Variants in NUMA1 observed in about 807,000 individuals in gnomAD.
NUMA1 encodes the protein SP-H antigen.
A neutral mutation model predicts 237.1 loss-of-function variants in NUMA1; 62 were observed. The ratio of observed to expected loss-of-function variants is 0.26; its 90% CI spans 0.21 to 0.32. The LOEUF is 0.32. Among genes scored for constraint, NUMA1 ranks in the 10% least tolerant of loss-of-function variants. The pLI, the probability that NUMA1 is intolerant of heterozygous loss-of-function variation, is 1.00. For synonymous variants in NUMA1, 1,028 were observed against 1,066.1 expected (o/e 0.96, Z 0.70); for missense variants, 2,533 against 2,666.5 (o/e 0.95, Z 1.10).
At chr11:72,058,261 G>T (rs1401429687) in intron 2 of NUMA1, among the ~76,000 whole-genome samples, 1 of 152,060 alleles carries the variant, frequency 6.6e-6, no homozygotes, top group Non-Finnish European at 1.5e-5. Flanking sequence ...ATGAGAAATG[G>T]TAACATATTT....
intron 1 of NUMA1, among the ~76,000 whole-genome samples, chr11:72,071,209 C>A (rs1443459708): frequency 6.6e-6 from 1 of 152,210 alleles, no homozygotes; most frequent in Non-Finnish European, 1.5e-5. Context: ...CCTAGTTATC[C>A]AAGTCCTACT....
chr11:72,024,664 A>C, intron 4 of NUMA1: 1 of 372,228 alleles, frequency 2.7e-6, no homozygotes, highest in Non-Finnish European at 5.1e-6. Context: ...AGCACAGATG[A>C]ACGGGAAGCT....
At chr11:72,034,806 T>C (rs1236856275) in intron 3 of NUMA1, among the ~76,000 whole-genome samples, 18 of 152,146 alleles carry the variant, frequency 1.2e-4, no homozygotes, top group Admixed American at 1.0e-3. Flanking sequence ...CTGAGACCCA[T>C]ATTTATCACC....
chr11:72,076,564 T>C (rs1309530738), intron 1 of NUMA1: 1 of 152,194 alleles, frequency 6.6e-6, no homozygotes, highest in Non-Finnish European at 1.5e-5. Flanking sequence ...GGAGGGCAGA[T>C]TACCTGAGGT....
intron 21 of NUMA1, 76 bp downstream of exon 21, chr11:72,007,113 T>G: frequency 6.5e-7 from 1 of 1,548,276 alleles, no homozygotes; most frequent in Non-Finnish European, 8.7e-7. Context: ...TGCTCCTGAC[T>G]GAGTGCCCAG....
Position 72,018,503 on chromosome 11 carries a change from T to C in NUMA1, c.753A>G (p.Ile251Met), listed in dbSNP as rs765532214. ...RKLLTEKDAQ[I>M]AMMQQRIDRL... ...GGTCAATGCGCTGCTGCATCATGGC[T>C]ATCTGTGCATCTGCCCAGAGTGGAG... The change falls in exon 11 of 27, where the codon ATA (isoleucine) becomes ATG (methionine). Residue 251 changes from isoleucine to methionine, a missense_variant. Coordinates refer to ENST00000393695, the MANE Select transcript of NUMA1 (RefSeq NM_006185.4). The C allele has an allele frequency of 6.2e-7, 1 of 1,613,980 alleles. No individual in the cohort carries two copies. The highest frequency in any genetic ancestry group is 1.1e-5 in the South Asian group (1 of 91,086).
rs746451876 is a variant in NUMA1, at chr11:72,018,142, G to GC, written c.978+40dup. On this transcript the variant is annotated intron_variant, in intron 12 of 26. Transcript: ENST00000393695. ...TTGGGGAGCCTTCCAGACCACCTCA[G>GC]CCCTGAGGGGCCTCCATGCACACAC... 9.8e-6 allele frequency: 14 copies of GC among 1,423,182 alleles called. No homozygotes were observed. In the South Asian group the frequency reaches 1.6e-4, roughly 16 times the overall value. The allele number at this position is 1,423,182 out of a possible 1,614,324, so 88.2% of individuals were successfully genotyped here. A position where few individuals can be genotyped will look rare whatever the true frequency, so the allele number is the denominator to read the frequency against.
At chr11:72,033,647 C>T (rs1940636015) in intron 3 of NUMA1, among the ~76,000 whole-genome samples, 1 of 152,190 alleles carries the variant, frequency 6.6e-6, no homozygotes, top group Non-Finnish European at 1.5e-5. Flanking sequence ...GCTGGCATTA[C>T]AGGTGTGAGC....
rs117842293 is a variant in NUMA1 at position 72,070,331 on chromosome 11, T to C, written c.-102-420A>G. Among the ~76,000 whole-genome samples the C allele has an allele frequency of 1.0e-2, 1,516 of 152,356 alleles. 12 individuals are homozygous for C. The highest frequency in any genetic ancestry group is 0.016 in the Non-Finnish European group (1,114 of 68,030). ...TTGGCTTAACTTTCCAAATCCTCCA[T>C]TATATGGCCTCAAGTCATTTATTCA... On this transcript the variant is annotated intron_variant, in intron 1 of 26. Coordinates refer to ENST00000393695, the MANE Select transcript of NUMA1 (RefSeq NM_006185.4).
Position 72,016,218 on chromosome 11 carries a change from T to C in NUMA1, c.1285A>G (p.Asn429Asp). 6.2e-7 allele frequency: 1 copy of C among 1,603,866 alleles called. No individual in the cohort carries two copies. The highest frequency in any genetic ancestry group is 1.1e-5 in the South Asian group (1 of 90,924). The change falls in exon 15 of 27, where the codon AAC (asparagine) becomes GAC (aspartate). Residue 429 changes from asparagine to aspartate, a missense_variant. Transcript: ENST00000393695. Reference sequence around the variant, plus strand: ...TCTACCCTGGCTTGGAGCTGTGTGTTGTTTGCAGCAAGAGTGGCTGCCTCT... The same window carrying C: ...TCTACCCTGGCTTGGAGCTGTGTGTCGTTTGCAGCAAGAGTGGCTGCCTCT... ...KQEAATLAAN[N>D]TQLQARVEML... is the part of the protein sequence containing the mutation.
At chr11:72,062,369 GA>G (rs1942988350) in intron 2 of NUMA1, among the ~76,000 whole-genome samples, 1 of 151,824 alleles carries the variant, frequency 6.6e-6, no homozygotes, top group Non-Finnish European at 1.5e-5. Context: ...TACTCTCCAC[GA>G]AATTTAACTT....
At chr11:72,058,483 T>C (rs1396335259) in intron 2 of NUMA1, among the ~76,000 whole-genome samples, 1 of 152,224 alleles carries the variant, frequency 6.6e-6, no homozygotes. Context: ...CCATAACGTG[T>C]TCACATATTT....
In NUMA1 at chr11:72,004,045, C is replaced by T; in HGVS notation, c.6178G>A (p.Gly2060Arg). Reference sequence around the variant, plus strand: ...GCTCCCCGCCGCAGAAGGCTGTTCCCTAGCTTCTTGGGTGTGTTGAGGATG... The same window carrying T: ...GCTCCCCGCCGCAGAAGGCTGTTCCTTAGCTTCTTGGGTGTGTTGAGGATG... Reference protein sequence around the residue: ...FSILNTPKKLGNSLLRRGASK... With the variant: ...FSILNTPKKLRNSLLRRGASK... The change falls in exon 26 of 27, where the codon GGG (glycine) becomes AGG (arginine). Residue 2060 changes from glycine (G) to arginine (R), a missense_variant. By Grantham distance (125) the Gly-to-Arg change is moderately radical. Transcript: ENST00000393695. The T allele has an allele frequency of 6.2e-7, 1 of 1,613,666 alleles. No individual in the cohort carries two copies. Among genetic ancestry groups the T allele is most frequent in the Non-Finnish European group, 8.5e-7 (1 of 1,179,784 alleles).
rs1399976932 is a variant in NUMA1 at position 72,004,035 on chromosome 11, A to G, written c.6188T>C (p.Leu2063Pro). 29 of 1,613,604 alleles carry G rather than the reference A, an allele frequency of 1.8e-5. No homozygotes were observed. The highest frequency in any genetic ancestry group is 2.3e-5 in the Non-Finnish European group (27 of 1,179,800). The change falls in exon 26 of 27, where the codon CTT becomes CCT. Residue 2063 changes from leucine (L) to proline (P), a missense_variant. Leu to Pro is a moderately conservative substitution (Grantham distance 98, BLOSUM62 -3). This residue lies in a region of NUMA1 where 795 missense variants were observed against 750.8 expected (regional missense o/e 1.06). Transcript: ENST00000393695. The stretch of plus-strand genomic sequence containing the variant: ...CTTCTTTGAGGCTCCCCGCCGCAGA[A>G]GGCTGTTCCCTAGCTTCTTGGGTGT... ...LNTPKKLGNSLLRRGASKKAL... is the reference protein window; with the variant it reads ...LNTPKKLGNSPLRRGASKKAL...
rs766740383 is a variant in NUMA1 at position 72,008,816 on chromosome 11, G to C, written c.5088C>G (p.Asp1696Glu). Residue 1696 changes from aspartate (D) to glutamate (E), a missense_variant, in exon 20 of 27, where the codon GAC becomes GAG. Transcript: ENST00000393695. The stretch of plus-strand genomic sequence containing the variant: ...CAGTTGCCACCTGGAATTTGCCCAG[G>C]TCTCGAAGCTGCTGGTCTGCATGGG... ...QVAHADQQLR[D>E]LGKFQVATDA... The C allele has an allele frequency of 1.2e-6, 2 of 1,614,038 alleles. No individual in the cohort carries two copies. The highest frequency in any genetic ancestry group is 3.3e-5 in the Admixed American group (2 of 60,002).
intron 2 of NUMA1, among the ~76,000 whole-genome samples, chr11:72,059,758 C>A (rs1447534918): frequency 6.6e-6 from 1 of 152,064 alleles, no homozygotes; most frequent in Non-Finnish European, 1.5e-5. Context: ...AGGATATATA[C>A]CAATAATTAG....
intron 1 of NUMA1, among the ~76,000 whole-genome samples, chr11:72,079,373 T>A (rs1395696078): frequency 6.6e-6 from 1 of 152,056 alleles, no homozygotes; most frequent in East Asian, 1.9e-4. Flanking sequence ...AAACCCTGTG[T>A]CTACTAAAAA....
intron 2 of NUMA1, among the ~76,000 whole-genome samples, chr11:72,044,609 G>C (rs1310425048): frequency 1.3e-5 from 2 of 151,752 alleles, no homozygotes; most frequent in African/African-American, 4.8e-5. Context: ...CTTTGGGGGG[G>C]GGGAGGAGTT....
At chr11:72,029,082 A>T in intron 4 of NUMA1, 123 bp downstream of exon 4, 1 of 654,798 alleles carries the variant, frequency 1.5e-6, no homozygotes, top group Non-Finnish European at 2.6e-6. Flanking sequence ...CTGGCTTATG[A>T]TGTCCCAATC....
Sources: gnomAD v4.1 joint callset for allele counts (sites outside exome capture counted in the v4.1 genomes callset) on GRCh38, gnomAD v4.1.1 for gene constraint, gnomAD v4.1.1 regional missense constraint, MANE v1.5 for transcripts, NCBI Gene and HGNC (gene_info 2026-07-23, HGNC 2026-07-21) for gene names.